The following TNRC6C variants were observed in gnomAD, a reference collection of about 807,000 sequenced individuals.
TNRC6C encodes trinucleotide repeat-containing gene 6C protein.
Under a neutral mutation model 153.7 loss-of-function variants are expected in TNRC6C, and 20 were observed. The observed-to-expected ratio is 0.13, with a 90% CI of 0.09 to 0.19. TNRC6C has a LOEUF of 0.19. TNRC6C is among the 10% of genes least tolerant of loss of function. The pLI, the probability that TNRC6C is intolerant of heterozygous loss-of-function variation, is 1.00. For synonymous variants in TNRC6C, 811 were observed against 841.4 expected (o/e 0.96, Z 0.63); for missense variants, 1,987 against 2,172.0 (o/e 0.91, Z 1.69).
exon 2 of TNRC6C, chr17:78,031,822 A>G (rs558281215): frequency 2.4e-6 from 3 of 1,232,276 alleles, no homozygotes; most frequent in African/African-American, 1.5e-5. Context: ...ACACAGCATC[A>G]TCCCAGTAAG....
At chr17:78,037,161 C>T (rs1311874027) in intron 2 of TNRC6C, among the ~76,000 whole-genome samples, 3 of 152,196 alleles carry the variant, frequency 2.0e-5, no homozygotes, top group African/African-American at 7.2e-5. Flanking sequence ...AGTGTACTGG[C>T]TTCACACTTT....
At chr17:78,000,360 A>G (rs1210352104), upstream of TNRC6C, among the ~76,000 whole-genome samples, 1 of 152,198 alleles carries the variant, frequency 6.6e-6, no homozygotes, top group African/African-American at 2.4e-5. Context: ...TATCCTTCTC[A>G]TACTGCCCAC....
intron 2 of TNRC6C, among the ~76,000 whole-genome samples, chr17:78,043,977 G>A (rs1420290658): frequency 6.6e-6 from 1 of 152,102 alleles, no homozygotes; most frequent in Admixed American, 6.5e-5. Context: ...GGACACATAG[G>A]TTGCTTCCAA....
intron 16 of TNRC6C, among the ~76,000 whole-genome samples, chr17:78,095,225 C>T (rs1361228258): frequency 1.3e-5 from 2 of 152,226 alleles, no homozygotes; most frequent in Non-Finnish European, 2.9e-5. Flanking sequence ...TGGGAGTGGC[C>T]TCAGCCATCG....
chr17:78,007,221 G>C (rs907496547), intron 1 of TNRC6C, among the ~76,000 whole-genome samples: 1 of 152,124 alleles, frequency 6.6e-6, no homozygotes, highest in Non-Finnish European at 1.5e-5. Context: ...CTAAAATACT[G>C]TTCCTTTGGG....
intron 2 of TNRC6C, among the ~76,000 whole-genome samples, chr17:78,039,435 T>C (rs868031527): frequency 7.9e-5 from 12 of 152,134 alleles, no homozygotes; most frequent in Admixed American, 2.6e-4. Context: ...TGTAGCGTTA[T>C]TGATGTCAAC....
intron 1 of TNRC6C, among the ~76,000 whole-genome samples, chr17:77,983,370 A>C (rs1337714256): frequency 2.6e-5 from 4 of 152,182 alleles, no homozygotes; most frequent in African/African-American, 9.7e-5. Flanking sequence ...CACTCTCCTG[A>C]CTAGAGTGCT....
At chr17:78,105,734 C>T (rs1469299101) in exon 20 of TNRC6C, 4 of 152,168 alleles carry the variant, frequency 2.6e-5, no homozygotes, top group Admixed American at 2.6e-4. Context: ...TGTGGGTTTT[C>T]CCTTGTATTC....
rs773739169 is a variant in TNRC6C, at chr17:78,104,059, C to A, written c.4713-426C>A. 4.6e-5 allele frequency among the ~76,000 whole-genome samples: 7 copies of A among 152,204 alleles called. No individual in the cohort carries two copies. Among genetic ancestry groups the A allele is most frequent in the Non-Finnish European group, 7.3e-5 (5 of 68,044 alleles). ...CTGAGTTGCTGTGTCTACTCCCTCC[C>A]TGTGACACATTCCTACACAGGGCCC... On this transcript the variant is annotated intron_variant, in intron 19 of 19. Coordinates refer to ENST00000301624, the Ensembl canonical transcript of TNRC6C. This position sits in a 1 kb window ranked among gnomAD's most constrained non-coding sequence, Gnocchi z 6.2.
intron 3 of TNRC6C, among the ~76,000 whole-genome samples, chr17:78,053,142 A>T (rs2072571948): frequency 6.6e-6 from 1 of 152,138 alleles, no homozygotes; most frequent in East Asian, 1.9e-4. Flanking sequence ...ATCAGTAGCC[A>T]CTGAGCATCA....
intron 5 of TNRC6C, among the ~76,000 whole-genome samples, chr17:78,068,346 A>G (rs1375369321): frequency 1.3e-5 from 2 of 152,268 alleles, no homozygotes; most frequent in Non-Finnish European, 2.9e-5. Flanking sequence ...GCAAAATTAT[A>G]TTTTTAAATT....
intron 1 of TNRC6C, among the ~76,000 whole-genome samples, chr17:78,024,662 G>T (rs2071901191): frequency 2.6e-5 from 4 of 151,992 alleles, no homozygotes; most frequent in African/African-American, 9.7e-5. Context: ...ACCGCGCCTG[G>T]CCTATTTAGA....
chr17:78,091,603 G>A (rs1194578795), exon 14 of TNRC6C: 2 of 1,547,036 alleles, frequency 1.3e-6, no homozygotes, highest in South Asian at 2.5e-5. Context: ...ACCCTAGCAA[G>A]CATGGTACGT....
chr17:78,102,689 G>A, intron 18 of TNRC6C, 145 bp downstream of exon 21: 2 of 744,788 alleles, frequency 2.7e-6, no homozygotes, highest in Non-Finnish European at 4.2e-6. Context: ...GGGAGGAGAT[G>A]AGCAAGTGCC....
At position 78,075,449 on chromosome 17, in the gene TNRC6C, C is replaced by T. The variant is rs1236015277; in HGVS notation, c.3060+171C>T. On this transcript the variant is annotated intron_variant, in intron 8 of 19. Transcript: ENST00000301624. This position sits in a 1 kb window ranked among gnomAD's most constrained non-coding sequence, Gnocchi z 4.2. ...ACATTTAACTCAAAGAAGGGAATGT[C>T]GTATTTCATAAGATGTTACTGAGAA... 9.3e-6 allele frequency: 7 copies of T among 753,238 alleles called. No individual in the cohort carries two copies. Among genetic ancestry groups the T allele is most frequent in the East Asian group, 8.2e-5 (3 of 36,536 alleles). 46.7% of individuals were successfully genotyped at this position (753,238 alleles called of 1,614,324 possible). A position where few individuals can be genotyped will look rare whatever the true frequency, so the allele number is the denominator to read the frequency against.
chr17:78,044,212 C>G (rs1410298257), intron 2 of TNRC6C, among the ~76,000 whole-genome samples: 1 of 152,134 alleles, frequency 6.6e-6, no homozygotes, highest in African/African-American at 2.4e-5. Context: ...GAATAGATAA[C>G]CCAGTATTTT....
chr17:78,042,812 T>C (rs1437151818), intron 2 of TNRC6C, among the ~76,000 whole-genome samples: 1 of 151,584 alleles, frequency 6.6e-6, no homozygotes, highest in African/African-American at 2.4e-5. Flanking sequence ...GATGACGGTG[T>C]TGGTGATGGT....
intron 9 of TNRC6C, 149 bp downstream of exon 11, chr17:78,077,483 C>G (rs2073105281): frequency 1.0e-6 from 1 of 985,176 alleles, no homozygotes; most frequent in Admixed American, 2.4e-5. Flanking sequence ...CAGGATTTCC[C>G]TTCAGGTGAC....
intron 13 of TNRC6C, 28 bp from the exon 16 acceptor site, chr17:78,091,412 C>A: frequency 6.5e-7 from 1 of 1,549,430 alleles, no homozygotes; most frequent in Non-Finnish European, 8.7e-7. Flanking sequence ...GAGGAGCAGG[C>A]GAATCCTAAC....
Sources: gnomAD v4.1 joint callset for allele counts (sites outside exome capture counted in the v4.1 genomes callset) on GRCh38, gnomAD v4.1.1 for gene constraint, Gnocchi (gnomAD v3.1) non-coding constraint, MANE v1.5 for transcripts, NCBI Gene and HGNC (gene_info 2026-07-23, HGNC 2026-07-21) for gene names.